The following FNBP1L variants were observed in gnomAD, a reference collection of about 807,000 sequenced individuals.
The protein encoded by FNBP1L is formin-binding protein 1-like.
A neutral mutation model predicts 91.2 loss-of-function variants in FNBP1L; 36 were observed. The ratio of observed to expected loss-of-function variants is 0.39; its 90% confidence interval spans 0.30 to 0.52. The LOEUF (loss-of-function observed/expected upper bound fraction) is 0.52. Ranked by LOEUF, FNBP1L falls within the 20% of genes least tolerant of loss-of-function variation. The probability of loss-of-function intolerance (pLI) is 0.66; values close to 1 mark genes in which losing one functional copy is unlikely to be tolerated. For missense variants in FNBP1L, 571 were observed against 732.1 expected, an observed-to-expected ratio of 0.78 and a Z score of 2.54; for synonymous variants, 242 against 237.0, an observed-to-expected ratio of 1.02 and a Z score of -0.19.
In FNBP1L at chr1:93,481,276, G is replaced by C. The variant is rs201221774; in HGVS notation, c.25-18192G>C. Among the ~76,000 whole-genome samples the C allele has an allele frequency of 9.2e-5, 14 of 152,266 alleles. No individual in the cohort carries two copies. In the East Asian group the frequency reaches 1.3e-3, roughly 15 times the overall value. Reference sequence around the variant, plus strand: ...TCCCTAAGGCTAAAAGTGTGAGGCAGCCATTTGTTGCATACTATTCCTTCA... The same window carrying C: ...TCCCTAAGGCTAAAAGTGTGAGGCACCCATTTGTTGCATACTATTCCTTCA... On this transcript the variant is annotated intron_variant, in intron 1 of 16. Transcript: ENST00000271234.
chr1:93,470,367 G>A (rs370453122), intron 1 of FNBP1L, among the ~76,000 whole-genome samples: 78 of 152,272 alleles, frequency 5.1e-4, no homozygotes, highest in African/African-American at 1.8e-3. Context: ...GGCTCAAGCA[G>A]TCATTCTGCC....
intron 12 of FNBP1L, among the ~76,000 whole-genome samples, chr1:93,545,080 T>G (rs942751418): frequency 2.0e-5 from 3 of 152,158 alleles, no homozygotes; most frequent in Admixed American, 6.5e-5. Flanking sequence ...GTTGATTTAT[T>G]AACTTTGATT....
At chr1:93,482,455 G>A (rs12086857) in intron 1 of FNBP1L, among the ~76,000 whole-genome samples, 15,736 of 152,130 alleles carry the variant, frequency 0.1, 947 homozygotes, top group African/African-American at 0.16. Context: ...ATGCTTGTAA[G>A]TACTTCATGT....
At chr1:93,462,286 T>A (rs909174369) in intron 1 of FNBP1L, among the ~76,000 whole-genome samples, 7 of 152,164 alleles carry the variant, frequency 4.6e-5, no homozygotes, top group East Asian at 1.9e-4. Context: ...ACTTTTTTTT[T>A]AAATTGATAG....
intron 1 of FNBP1L, among the ~76,000 whole-genome samples, chr1:93,484,997 A>G (rs951150547): frequency 6.6e-6 from 1 of 152,190 alleles, no homozygotes; most frequent in Non-Finnish European, 1.5e-5. Context: ...TACAAATAAA[A>G]TTAATTAGCT....
chr1:93,453,123 A>G (rs1288389245), intron 1 of FNBP1L, among the ~76,000 whole-genome samples: 2 of 152,180 alleles, frequency 1.3e-5, no homozygotes, highest in East Asian at 1.9e-4. Context: ...TACGGTTATT[A>G]TAGTTATTTC....
chr1:93,468,005 C>G (rs930491745), intron 1 of FNBP1L, among the ~76,000 whole-genome samples: 1 of 152,108 alleles, frequency 6.6e-6, no homozygotes. Flanking sequence ...TTGTGCTTGC[C>G]CTAGTCATCC....
chr1:93,544,671 G>A (rs1672158452), intron 12 of FNBP1L, among the ~76,000 whole-genome samples: 1 of 151,976 alleles, frequency 6.6e-6, no homozygotes, highest in Non-Finnish European at 1.5e-5. Flanking sequence ...GTTTCCTCTA[G>A]TTTAATTTTT....
intron 1 of FNBP1L, among the ~76,000 whole-genome samples, chr1:93,482,507 TAAG>T (rs1241663363): frequency 4.6e-5 from 7 of 152,214 alleles, no homozygotes; most frequent in African/African-American, 7.2e-5. Flanking sequence ...GGAGTAAAAA[TAAG>T]AATCGTTCTT....
rs371759747 is a variant in FNBP1L at position 93,534,691 on chromosome 1, T to C, written c.787-14T>C. 7 of 1,540,614 alleles carry C rather than the reference T, an allele frequency of 4.5e-6. No homozygotes were observed. The African/African-American group carries it at 8.2e-5, about 18-fold the overall frequency. On this transcript the variant is annotated splice_polypyrimidine_tract_variant and intron_variant, in intron 8 of 16. Transcript: ENST00000271234. ...CAAGTGAAACAGTTTTAAAACCTAGTTTCTTTTGTATAGGACTCTCAAATG... is the reference window on the plus strand; with the variant it reads ...CAAGTGAAACAGTTTTAAAACCTAGCTTCTTTTGTATAGGACTCTCAAATG...
At chr1:93,529,886 C>G in intron 6 of FNBP1L, 130 bp downstream of exon 6, 1 of 580,142 alleles carries the variant, frequency 1.7e-6, no homozygotes, top group Non-Finnish European at 3.0e-6. Context: ...CTAAAATATA[C>G]AAATATTTGC....
At chr1:93,498,824 A>G (rs1670351603) in intron 1 of FNBP1L, among the ~76,000 whole-genome samples, 1 of 152,214 alleles carries the variant, frequency 6.6e-6, no homozygotes, top group Non-Finnish European at 1.5e-5. Flanking sequence ...ACATCACCAC[A>G]GTCCTATTTA....
intron 2 of FNBP1L, among the ~76,000 whole-genome samples, chr1:93,514,370 C>A (rs1160209825): frequency 2.4e-4 from 36 of 150,896 alleles, no homozygotes; most frequent in Non-Finnish European, 4.3e-4. Context: ...TCAATGCCAT[C>A]CCCATCAAGC....
chr1:93,536,012 G>A (rs1358585733), intron 9 of FNBP1L, among the ~76,000 whole-genome samples: 1 of 152,028 alleles, frequency 6.6e-6, no homozygotes. Flanking sequence ...CCATGGTAAT[G>A]CTAATATTCT....
At chr1:93,517,682 C>T (rs1280260854) in intron 2 of FNBP1L, among the ~76,000 whole-genome samples, 4 of 152,180 alleles carry the variant, frequency 2.6e-5, no homozygotes, top group Non-Finnish European at 5.9e-5. Flanking sequence ...AGTTTGTTTA[C>T]CTGTAATCTT....
intron 1 of FNBP1L, among the ~76,000 whole-genome samples, chr1:93,454,527 G>A (rs750690129): frequency 2.9e-4 from 44 of 152,070 alleles, no homozygotes; most frequent in Non-Finnish European, 5.6e-4. Context: ...TTTTAGCGCC[G>A]CTGCAAGAAT....
chr1:93,547,118 A>T, intron 13 of FNBP1L, 144 bp downstream of exon 13: 1 of 1,062,900 alleles, frequency 9.4e-7, no homozygotes, highest in South Asian at 1.6e-5. Context: ...GATGTGTGTT[A>T]TTTAATCTCA....
In FNBP1L at chr1:93,473,710, T is replaced by C. The variant is rs558375331; in HGVS notation, c.24+25405T>C. Among the ~76,000 whole-genome samples the C allele has an allele frequency of 2.0e-5, 3 of 152,270 alleles. No homozygotes were observed. In the East Asian group the frequency reaches 5.8e-4, roughly 29 times the overall value. ...AGTCTGTGGTCCTGGTAGGAAACAG[T>C]ACTCAAAAGGCTTAACTGAGGAGTT... On this transcript the variant is annotated intron_variant, in intron 1 of 16. Transcript: ENST00000271234.
chr1:93,509,596 C>T (rs965076757), intron 2 of FNBP1L, among the ~76,000 whole-genome samples: 1 of 152,198 alleles, frequency 6.6e-6, no homozygotes, highest in African/African-American at 2.4e-5. Flanking sequence ...AAAATGTAGT[C>T]AATCGGAGGA....
Sources: allele counts gnomAD v4.1 joint callset (sites outside exome capture counted in the v4.1 genomes callset), GRCh38; gene constraint gnomAD v4.1.1; transcripts MANE v1.5; gene names NCBI Gene and HGNC (gene_info 2026-07-23, HGNC 2026-07-21).